The following MINDY3 variants were observed in gnomAD, a reference collection of about 807,000 sequenced individuals.
The protein encoded by MINDY3 is ubiquitin carboxyl-terminal hydrolase MINDY-3.
MINDY3 carries 38 observed loss-of-function variants against 69.2 expected under a neutral mutation model. The ratio of observed to expected loss-of-function variants is 0.55; its 90% CI spans 0.42 to 0.72. MINDY3 has a LOEUF of 0.72. Ranked by LOEUF, MINDY3 falls within the 30% of genes least tolerant of loss-of-function variation. The pLI is 0.00. For synonymous variants in MINDY3, 192 were observed against 180.1 expected (o/e 1.07, Z -0.53); for missense variants, 522 against 519.0 (o/e 1.01, Z -0.06).
intron 10 of MINDY3, among the ~76,000 whole-genome samples, chr10:15,800,201 T>A (rs1268165249): frequency 6.6e-6 from 1 of 151,486 alleles, no homozygotes; most frequent in Non-Finnish European, 1.5e-5. Context: ...CATGCATGCA[T>A]AAAATATATG....
At chr10:15,782,295 A>G in intron 13 of MINDY3, 69 bp from the exon 14 acceptor site, 3 of 1,037,416 alleles carry the variant, frequency 2.9e-6, no homozygotes, top group African/African-American at 1.6e-5. Flanking sequence ...ATCAACTGAA[A>G]GTAAAATGCA....
At chr10:15,855,218 T>A (rs1172454359) in intron 1 of MINDY3, among the ~76,000 whole-genome samples, 1 of 152,096 alleles carries the variant, frequency 6.6e-6, no homozygotes, top group African/African-American at 2.4e-5. Flanking sequence ...CCAGTATACA[T>A]GTTTGAGTGT....
At chr10:15,826,881 A>T (rs113318067) in intron 8 of MINDY3, among the ~76,000 whole-genome samples, 4,865 of 152,260 alleles carry the variant, frequency 0.032, 238 homozygotes, top group African/African-American at 0.11. Flanking sequence ...CATAAATACA[A>T]AATCCAGATA....
intron 10 of MINDY3, among the ~76,000 whole-genome samples, chr10:15,800,743 T>C (rs190382062): frequency 2.0e-5 from 3 of 152,246 alleles, no homozygotes; most frequent in Admixed American, 6.5e-5. Flanking sequence ...TATGTCAAGA[T>C]AAATGAATCC....
intron 10 of MINDY3, among the ~76,000 whole-genome samples, chr10:15,803,475 T>C (rs1393957988): frequency 6.6e-6 from 1 of 152,146 alleles, no homozygotes; most frequent in African/African-American, 2.4e-5. Flanking sequence ...ATTTTTCTTA[T>C]TGTACATAAA....
At chr10:15,847,200 G>A (rs567141477) in intron 2 of MINDY3, among the ~76,000 whole-genome samples, 8 of 152,104 alleles carry the variant, frequency 5.3e-5, no homozygotes, top group African/African-American at 1.7e-4. Context: ...AGTAAACTGA[G>A]AATTCAATTC....
chr10:15,779,494 G>T (rs1457230654), intron 14 of MINDY3, among the ~76,000 whole-genome samples: 2 of 152,070 alleles, frequency 1.3e-5, no homozygotes, highest in African/African-American at 4.8e-5. Context: ...ATTTATACAG[G>T]TCCTACTGCT....
At position 15,860,264 on chromosome 10, in the gene MINDY3, C is replaced by T; in HGVS notation, c.36G>A (p.Val12=). Residue 12 remains valine (V), a synonymous_variant, in exon 1 of 15, where the codon GTG becomes GTA. Transcript: ENST00000277632. The stretch of plus-strand genomic sequence containing the variant: ...GACCGGGGCTGCTCTTGGTGCCCCA[C>T]ACCAGCTCCATCAGCTCTTTAGTCA... ...SELTKELMEL[V]WGTKSSPGLS... 1 of 1,610,402 alleles carries T rather than the reference C, an allele frequency of 6.2e-7. No homozygotes were observed. The highest frequency in any genetic ancestry group is 8.5e-7 in the Non-Finnish European group (1 of 1,178,480).
At chr10:15,781,496 C>A (rs1353926066) in intron 14 of MINDY3, among the ~76,000 whole-genome samples, 1 of 151,592 alleles carries the variant, frequency 6.6e-6, no homozygotes, top group East Asian at 1.9e-4. Flanking sequence ...GAAATCAATG[C>A]AGCCGAACTC....
intron 10 of MINDY3, among the ~76,000 whole-genome samples, chr10:15,813,494 C>T (rs1839150453): frequency 6.6e-6 from 1 of 152,164 alleles, no homozygotes; most frequent in Non-Finnish European, 1.5e-5. Flanking sequence ...TGTGCTTTGT[C>T]AGCACTCATC....
intron 1 of MINDY3, among the ~76,000 whole-genome samples, chr10:15,851,633 C>T (rs182284513): frequency 5.9e-5 from 9 of 152,138 alleles, no homozygotes; most frequent in African/African-American, 2.2e-4. Flanking sequence ...ATCTCCAGTC[C>T]ACCCTATAGT....
At chr10:15,831,384 T>C (rs948053064) in intron 8 of MINDY3, among the ~76,000 whole-genome samples, 1 of 152,190 alleles carries the variant, frequency 6.6e-6, no homozygotes, top group Non-Finnish European at 1.5e-5. Flanking sequence ...ATTTTTCTCA[T>C]TTTTAAGTTT....
rs560407470 is a variant in MINDY3, at chr10:15,831,014, C to T, written c.730+2616G>A. On this transcript the variant is annotated intron_variant, in intron 8 of 14. Transcript: ENST00000277632. ...AGTAACTCTGGAAAGATATATAGTT[C>T]TTCTAAAACAGGAAAAAAGAATATG... is the stretch of plus-strand genomic sequence containing the variant. 3.3e-5 allele frequency among the ~76,000 whole-genome samples: 5 copies of T among 152,174 alleles called. No individual in the cohort carries two copies. The South Asian group carries it at 1.0e-3, about 32-fold the overall frequency.
chr10:15,849,397 G>C (rs1211666555), intron 1 of MINDY3, among the ~76,000 whole-genome samples: 1 of 151,796 alleles, frequency 6.6e-6, no homozygotes. Flanking sequence ...AAAGAACCAG[G>C]ACTTAACCAG....
intron 6 of MINDY3, among the ~76,000 whole-genome samples, chr10:15,836,067 T>C (rs527632404): frequency 3.3e-5 from 5 of 152,210 alleles, no homozygotes; most frequent in Admixed American, 2.0e-4. Context: ...ACAGTGTACA[T>C]AGAAAGGTCT....
intron 10 of MINDY3, among the ~76,000 whole-genome samples, chr10:15,809,368 G>A (rs547138465): frequency 1.3e-5 from 2 of 152,222 alleles, no homozygotes; most frequent in South Asian, 4.1e-4. Flanking sequence ...AAAAGTTTAA[G>A]TTCTGTATTC....
At chr10:15,825,512 A>T (rs1460029759) in intron 8 of MINDY3, among the ~76,000 whole-genome samples, 2 of 152,300 alleles carry the variant, frequency 1.3e-5, no homozygotes, top group East Asian at 3.9e-4. Context: ...CACCCAGCCT[A>T]ACTGATTATC....
At chr10:15,818,756 T>C (rs548399658) in intron 9 of MINDY3, among the ~76,000 whole-genome samples, 9 of 152,298 alleles carry the variant, frequency 5.9e-5, no homozygotes, top group Non-Finnish European at 8.8e-5. Flanking sequence ...TACTACATGA[T>C]TCCATTGGTA....
At chr10:15,800,168 A>AGTT (rs2131900975) in intron 10 of MINDY3, among the ~76,000 whole-genome samples, 1 of 152,252 alleles carries the variant, frequency 6.6e-6, no homozygotes, top group East Asian at 1.9e-4. Flanking sequence ...TATTTTCAAA[A>AGTT]GTTAAGAAAA....
Sources: gnomAD v4.1 joint callset for allele counts (sites outside exome capture counted in the v4.1 genomes callset) on GRCh38, gnomAD v4.1.1 for gene constraint, MANE v1.5 for transcripts, NCBI Gene and HGNC (gene_info 2026-07-23, HGNC 2026-07-21) for gene names.